The following MEGF8 variants were observed in gnomAD, a reference collection of about 807,000 sequenced individuals.
The protein encoded by MEGF8 is multiple EGF like domains 8, also known as multiple epidermal growth factor-like domains protein 8.
MEGF8 carries 156 observed loss-of-function variants against 302.9 expected under a neutral mutation model. The observed-to-expected ratio is 0.52, with a 90% CI of 0.45 to 0.59. The LOEUF is 0.59. Ranked by LOEUF, MEGF8 falls within the 20% of genes least tolerant of loss-of-function variation. The probability of loss-of-function intolerance (pLI) is 0.00; values close to 1 mark genes in which losing one functional copy is unlikely to be tolerated. For missense variants in MEGF8, 3,345 were observed against 3,964.5 expected (o/e 0.84, Z 4.20); for synonymous variants, 1,621 against 1,660.5 (o/e 0.98, Z 0.58).
intron 8 of MEGF8, among the ~76,000 whole-genome samples, chr19:42,337,801 C>T (rs1484567238): frequency 6.0e-5 from 9 of 150,130 alleles, no homozygotes; most frequent in African/African-American, 1.5e-4. Context: ...CCACCATGCC[C>T]GGCCTCTTTT....
chr19:42,328,789 A>G (rs1322661432), intron 1 of MEGF8, among the ~76,000 whole-genome samples: 1 of 151,946 alleles, frequency 6.6e-6, no homozygotes, highest in African/African-American at 2.4e-5. Context: ...TACAAAAATT[A>G]GCCCTGCGTG....
At position 42,351,650 on chromosome 19, in the gene MEGF8, T is replaced by C. The variant is rs1173646075; in HGVS notation, c.2990T>C (p.Val997Ala). The change falls in exon 18 of 42, where the codon GTA (valine) becomes GCA (alanine). Residue 997 changes from valine to alanine, a missense_variant and splice_region_variant. Transcript: ENST00000251268. The surrounding 1 kb of genome is among the most constrained non-coding windows in gnomAD (Gnocchi z 5.6). ...CCCCCACCCCTGCCATCCTGCAGTG[T>C]ACACTCGGAGCCACGGTGCCGGAGC... Reference protein sequence around the residue: ...HGGCRGWDDSVHSEPRCRSCD... With the variant: ...HGGCRGWDDSAHSEPRCRSCD... 2.5e-6 allele frequency: 4 copies of C among 1,589,854 alleles called. No individual in the cohort carries two copies. The South Asian group carries it at 4.6e-5, about 18-fold the overall frequency.
At position 42,333,594 on chromosome 19, in the gene MEGF8, T is replaced by C; in HGVS notation, c.188-11T>C. ...GCTTTAGAGCTTGGTCCCTCTGTGC[T>C]CACCTCCCAGCCCCAAGCCCCCAGC... On this transcript the variant is annotated splice_polypyrimidine_tract_variant and intron_variant, in intron 1 of 41. Coordinates refer to ENST00000251268, the MANE Select transcript of MEGF8 (RefSeq NM_001271938.2). The C allele has an allele frequency of 1.2e-6, 2 of 1,612,222 alleles. No individual in the cohort carries two copies. Among genetic ancestry groups the C allele is most frequent in the Non-Finnish European group, 1.7e-6 (2 of 1,178,764 alleles).
intron 1 of MEGF8, among the ~76,000 whole-genome samples, chr19:42,332,059 G>A (rs1443972973): frequency 6.6e-6 from 1 of 152,050 alleles, no homozygotes; most frequent in East Asian, 1.9e-4. Flanking sequence ...GTTTCACCAT[G>A]TTGGCCAGGC....
At chr19:42,330,090 G>A (rs868703803) in intron 1 of MEGF8, among the ~76,000 whole-genome samples, 1 of 152,064 alleles carries the variant, frequency 6.6e-6, no homozygotes, top group Admixed American at 6.5e-5. Context: ...TTACAGGCAT[G>A]TGCCACCATG....
chr19:42,326,555 C>G (rs766333532), intron 1 of MEGF8, 125 bp downstream of exon 1: 42 of 1,399,828 alleles, frequency 3.0e-5, no homozygotes, highest in Non-Finnish European at 3.8e-5. Context: ...ATGCCTGACA[C>G]CCAGGGTTGC....
At chr19:42,370,469 G>T (rs2039669994) in intron 39 of MEGF8, 110 bp downstream of exon 39, 4 of 1,058,044 alleles carry the variant, frequency 3.8e-6, no homozygotes, top group Non-Finnish European at 4.0e-6. Context: ...GAGGGAGGAG[G>T]GGCTGGAGGC....
chr19:42,358,608 C>G lies in MEGF8; in HGVS notation c.5176-179C>G, dbSNP rs560735151. On this transcript the variant is annotated intron_variant, in intron 29 of 41. Coordinates refer to ENST00000251268, the MANE Select transcript of MEGF8 (RefSeq NM_001271938.2). The surrounding 1 kb of genome is among the most constrained non-coding windows in gnomAD (Gnocchi z 4.4). Reference sequence around the variant, plus strand: ...CGTATAAACCAGGACTGAGGCTCCCCGCTCTTTCTGCCTTCAAGGCCAAGG... The same window carrying G: ...CGTATAAACCAGGACTGAGGCTCCCGGCTCTTTCTGCCTTCAAGGCCAAGG... Among the ~76,000 whole-genome samples the G allele has an allele frequency of 2.6e-5, 4 of 152,152 alleles. No individual in the cohort carries two copies. Among genetic ancestry groups the G allele is most frequent in the Non-Finnish European group, 4.4e-5 (3 of 68,032 alleles).
At position 42,368,268 on chromosome 19, in the gene MEGF8, T is replaced by C. The variant is rs977355448; in HGVS notation, c.6274-187T>C. ...CAGCCTGACTTCCCGCCTTGGTGTG[T>C]AGTTACAAACGCTTGAGAGGGAAAA... On this transcript the variant is annotated intron_variant, in intron 35 of 41. Coordinates refer to ENST00000251268, the MANE Select transcript of MEGF8 (RefSeq NM_001271938.2). This position sits in a 1 kb window ranked among gnomAD's most constrained non-coding sequence, Gnocchi z 4.9. 4.6e-5 allele frequency among the ~76,000 whole-genome samples: 7 copies of C among 152,156 alleles called. No homozygotes were observed. The highest frequency in any genetic ancestry group is 1.2e-4 in the African/African-American group (5 of 41,440).
At chr19:42,333,962 T>A (rs1281294195) in intron 2 of MEGF8, 45 bp from the exon 3 acceptor site, 1 of 1,580,992 alleles carries the variant, frequency 6.3e-7, no homozygotes, top group Non-Finnish European at 8.6e-7. Flanking sequence ...CCCAGGACAA[T>A]CCCCAGGCCC....
At chr19:42,328,167 C>G (rs996914378) in intron 1 of MEGF8, among the ~76,000 whole-genome samples, 27 of 152,262 alleles carry the variant, frequency 1.8e-4, no homozygotes, top group African/African-American at 6.3e-4. Context: ...AGGTGTAGGG[C>G]TCTGTGATTT....
chr19:42,344,196 T>G lies in MEGF8; in HGVS notation c.1788+123T>G, dbSNP rs558801215. 1 of 1,383,534 alleles carries G rather than the reference T, an allele frequency of 7.2e-7. No homozygotes were observed. The highest frequency in any genetic ancestry group is 1.4e-5 in the South Asian group (1 of 69,860). The allele number at this position is 1,383,534 out of a possible 1,614,324, so 85.7% of individuals were successfully genotyped here. A position where few individuals can be genotyped will look rare whatever the true frequency, so the allele number is the denominator to read the frequency against. ...GGGAGACTTGTTTTCATGCCGGAGATCCTCCTTCCTGATTCCTGACTGCGG... is the reference window on the plus strand; with the variant it reads ...GGGAGACTTGTTTTCATGCCGGAGAGCCTCCTTCCTGATTCCTGACTGCGG... On this transcript the variant is annotated intron_variant, in intron 10 of 41. Transcript: ENST00000251268. This position sits in a 1 kb window ranked among gnomAD's most constrained non-coding sequence, Gnocchi z 4.5.
intron 8 of MEGF8, among the ~76,000 whole-genome samples, chr19:42,342,220 A>G (rs1385951959): frequency 2.0e-5 from 3 of 152,224 alleles, no homozygotes; most frequent in Non-Finnish European, 4.4e-5. Context: ...GCCAAGTCCC[A>G]CACGTTTACA....
rs531197032 is a variant in MEGF8, at chr19:42,367,371, C to T, written c.6274-1084C>T. ...TGGCGCGATCTCTGCTCACTGCAAG[C>T]TCCACCTCCCGGGTTCACGCCATTC... On this transcript the variant is annotated intron_variant, in intron 35 of 41. Coordinates refer to ENST00000251268, the MANE Select transcript of MEGF8 (RefSeq NM_001271938.2). 3.6e-4 allele frequency among the ~76,000 whole-genome samples: 55 copies of T among 151,684 alleles called. 1 individual carries two copies. The South Asian group carries it at 0.011, about 29-fold the overall frequency.
chr19:42,348,660 C>T (rs577066335), intron 13 of MEGF8, among the ~76,000 whole-genome samples, 188 bp downstream of exon 13: 22 of 152,264 alleles, frequency 1.4e-4, no homozygotes, highest in Middle Eastern at 3.4e-3. Context: ...AGTGCAGTGG[C>T]GCGATCTCGG....
intron 7 of MEGF8, 28 bp from the exon 8 acceptor site, chr19:42,337,056 C>A (rs369097478): frequency 6.2e-7 from 1 of 1,613,296 alleles, no homozygotes; most frequent in Non-Finnish European, 8.5e-7. Context: ...CTAGGCTTGC[C>A]AGCTATGCCC....
At position 42,370,273 on chromosome 19, in the gene MEGF8, C is replaced by T; in HGVS notation, c.6919C>T (p.Arg2307Cys). 2.5e-6 allele frequency: 4 copies of T among 1,613,858 alleles called. No individual in the cohort carries two copies. Among genetic ancestry groups the T allele is most frequent in the South Asian group, 1.1e-5 (1 of 91,048 alleles). Reference sequence around the variant, plus strand: ...CTGCCGGCCCTGCCACGCCTTTTGTCGTGGAAATAGCCACATCTGCATCTC... The same window carrying T: ...CTGCCGGCCCTGCCACGCCTTTTGTTGTGGAAATAGCCACATCTGCATCTC... ...GTCRPCHAFC[R>C]GNSHICISRK... is the part of the protein sequence containing the mutation. Residue 2307 changes from arginine (R) to cysteine (C), a missense_variant, in exon 39 of 42, where the codon CGT (arginine) becomes TGT (cysteine). Arg to Cys is a radical substitution (Grantham distance 180). Coordinates refer to ENST00000251268, the MANE Select transcript of MEGF8 (RefSeq NM_001271938.2).
In MEGF8 at chr19:42,348,434, C is replaced by A; in HGVS notation, c.2260C>A (p.Leu754Met). ...VWTRAQRLHV[L>M]ARMARGPDTE... ...GACGCGGGCCCAGCGCCTACACGTC[C>A]TGGCCCGGATGGCCCGTGGCCCTGA... The change falls in exon 13 of 42, where the codon CTG becomes ATG. Residue 754 changes from leucine to methionine, a missense_variant. Coordinates refer to ENST00000251268, the MANE Select transcript of MEGF8 (RefSeq NM_001271938.2). 6.5e-7 allele frequency: 1 copy of A among 1,532,038 alleles called. No individual in the cohort carries two copies. Among genetic ancestry groups the A allele is most frequent in the South Asian group, 1.2e-5 (1 of 83,874 alleles). 94.9% of individuals were successfully genotyped at this position (1,532,038 alleles called of 1,614,324 possible). A position where few individuals can be genotyped will look rare whatever the true frequency, so the allele number is the denominator to read the frequency against.
chr19:42,359,070 G>A (rs866268895), intron 30 of MEGF8, 28 bp from the exon 31 acceptor site: 22 of 1,515,882 alleles, frequency 1.5e-5, no homozygotes, highest in Middle Eastern at 4.7e-4. Context: ...AGGCTGTCCT[G>A]TCCCCCCACC....
Sources: allele counts gnomAD v4.1 joint callset (sites outside exome capture counted in the v4.1 genomes callset), GRCh38; gene constraint gnomAD v4.1.1; non-coding constraint Gnocchi (gnomAD v3.1); transcripts MANE v1.5; gene names NCBI Gene and HGNC (gene_info 2026-07-23, HGNC 2026-07-21).